The following PKP2 variants were observed in gnomAD, a reference collection of about 807,000 sequenced individuals.
PKP2 encodes the protein plakophilin 2.
In PKP2, 73 loss-of-function variants were observed where a neutral mutation model predicts 83.4. That is an observed-to-expected ratio of 0.88 (90% CI 0.72 to 1.06). The LOEUF (loss-of-function observed/expected upper bound fraction) is 1.06, where lower values mean the gene tolerates loss of function less well. Among genes scored for constraint, PKP2 ranks in the 50% least tolerant of loss-of-function variants. The pLI is 0.00. For missense variants in PKP2, 966 were observed against 1,065.4 expected (o/e 0.91, Z 1.30); for synonymous variants, 409 against 430.4 (o/e 0.95, Z 0.62).
intron 1 of PKP2, among the ~76,000 whole-genome samples, chr12:32,892,818 C>CGGGGG (rs574559982): frequency 3.0e-4 from 6 of 20,096 alleles, no homozygotes; most frequent in South Asian, 1.6e-3. Context: ...GGGGTGGGGG[C>CGGGGG]GGGGGGGGGG....
chr12:32,863,410 G>C, intron 4 of PKP2: 2 of 251,410 alleles, frequency 8.0e-6, no homozygotes, highest in South Asian at 6.2e-5. Flanking sequence ...CAGAGTCCGA[G>C]TGATGCTGTA....
intron 6 of PKP2, among the ~76,000 whole-genome samples, chr12:32,831,908 C>T (rs1956504184): frequency 6.6e-6 from 1 of 152,138 alleles, no homozygotes; most frequent in Non-Finnish European, 1.5e-5. Flanking sequence ...ACATGGGTGA[C>T]CAGGCAAGCA....
chr12:32,885,171 T>G (rs1957020704), intron 1 of PKP2, among the ~76,000 whole-genome samples: 1 of 152,182 alleles, frequency 6.6e-6, no homozygotes, highest in Non-Finnish European at 1.5e-5. Flanking sequence ...TGGATGGTGG[T>G]AGGATTCTAA....
At chr12:32,866,818 A>G (rs889558159) in intron 4 of PKP2, among the ~76,000 whole-genome samples, 2 of 152,156 alleles carry the variant, frequency 1.3e-5, no homozygotes, top group Non-Finnish European at 2.9e-5. Flanking sequence ...ACTCCTAGGT[A>G]TTTACTGAAG....
intron 1 of PKP2, chr12:32,894,878 T>C (rs1346437349): frequency 6.6e-6 from 1 of 152,108 alleles, no homozygotes; most frequent in Non-Finnish European, 1.5e-5. Flanking sequence ...TCTAAATAAA[T>C]ATAAGGTCTT....
chr12:32,799,732 A>G (rs1956162360), intron 10 of PKP2, among the ~76,000 whole-genome samples: 1 of 152,210 alleles, frequency 6.6e-6, no homozygotes, highest in African/African-American at 2.4e-5. Context: ...GAGCTAAGCT[A>G]TGAGGATGCA....
In PKP2 at chr12:32,841,120, G is replaced by A. The variant is rs145387575; in HGVS notation, c.1464C>T (p.Ile488=). ...CTTCAGGCCACCCAGAAAAGGGGATGATGATATTCTCCGTCAGCGTAAGCA... is the reference window on the plus strand; with the variant it reads ...CTTCAGGCCACCCAGAAAAGGGGATAATGATATTCTCCGTCAGCGTAAGCA... The part of the protein sequence containing the change: ...EALLTLTENI[I]IPFSGWPEGD... Residue 488 remains isoleucine (I), a synonymous_variant, in exon 6 of 13, where the codon ATC becomes ATT. Coordinates refer to ENST00000340811, the MANE Select transcript of PKP2 (RefSeq NM_001005242.3). The A allele has an allele frequency of 1.7e-4, 277 of 1,612,464 alleles. No homozygotes were observed. Among genetic ancestry groups the A allele is most frequent in the Non-Finnish European group, 2.3e-4 (274 of 1,178,600 alleles).
At chr12:32,841,680 T>G (rs1343927981) in intron 5 of PKP2, among the ~76,000 whole-genome samples, 1 of 152,200 alleles carries the variant, frequency 6.6e-6, no homozygotes, top group Non-Finnish European at 1.5e-5. Flanking sequence ...CCACTAACTG[T>G]AACTTTCACC....
intron 9 of PKP2, among the ~76,000 whole-genome samples, chr12:32,809,068 G>C (rs1337635877): frequency 1.3e-5 from 2 of 152,158 alleles, no homozygotes; most frequent in Non-Finnish European, 2.9e-5. Flanking sequence ...TGTTGGGGAG[G>C]ACCCTTCCTC....
At chr12:32,849,612 ATCTTC>A (rs1460067468) in intron 5 of PKP2, among the ~76,000 whole-genome samples, 2 of 152,148 alleles carry the variant, frequency 1.3e-5, no homozygotes, top group African/African-American at 4.8e-5. Context: ...TCAACAAATC[ATCTTC>A]TCTTTTATCA....
Position 32,821,366 on chromosome 12 carries a change from C to T in PKP2, c.2003G>A (p.Gly668Glu), listed in dbSNP as rs1348373466. The change falls in exon 9 of 13, where the codon GGA becomes GAA. Residue 668 changes from glycine (G) to glutamate (E), a missense_variant. Physicochemically the swap from Gly to Glu is moderately conservative, Grantham distance 98 (BLOSUM62 -2). Transcript: ENST00000340811. ...AGGCCCAATACTCACTGGTCCACTTCCGGCCGTGAGGTTCTGCAGAGCTCC... is the reference window on the plus strand; with the variant it reads ...AGGCCCAATACTCACTGGTCCACTTTCGGCCGTGAGGTTCTGCAGAGCTCC... ...SLGALQNLTA[G>E]SGPMPTSVAQ... The T allele has an allele frequency of 6.2e-7, 1 of 1,614,086 alleles. No homozygotes were observed.
At chr12:32,841,431 C>T (rs915712255) in intron 5 of PKP2, among the ~76,000 whole-genome samples, 3 of 152,172 alleles carry the variant, frequency 2.0e-5, no homozygotes, top group African/African-American at 7.2e-5. Context: ...AGGCTACAAA[C>T]TGTGCAGGTT....
chr12:32,834,976 C>CGTGTGT (rs10629969), intron 6 of PKP2, among the ~76,000 whole-genome samples: 15,491 of 119,228 alleles, frequency 0.13, 1,185 homozygotes, highest in Non-Finnish European at 0.15. Flanking sequence ...TCACAATAGG[C>CGTGTGT]GTGTGTGTGT....
Position 32,858,901 on chromosome 12 carries a change from G to A in PKP2, c.1171-7928C>T, listed in dbSNP as rs369160523. On this transcript the variant is annotated intron_variant, in intron 4 of 12. Coordinates refer to ENST00000340811, the MANE Select transcript of PKP2 (RefSeq NM_001005242.3). ...AATTCAAGTGAAAAAAAAATCAGCA[G>A]AAGCTCTGTTGTGTGATCCTTACTT... is the stretch of plus-strand genomic sequence containing the variant. Among the ~76,000 whole-genome samples the A allele has an allele frequency of 1.6e-4, 25 of 152,246 alleles. 1 individual carries two copies. In the South Asian group the frequency reaches 5.0e-3, roughly 30 times the overall value.
intron 7 of PKP2, 52 bp downstream of exon 7, chr12:32,823,993 T>C: frequency 1.8e-6 from 2 of 1,094,180 alleles, no homozygotes; most frequent in Admixed American, 1.7e-5. Context: ...ATCTTAAGAA[T>C]ATTCTGAAGC....
At chr12:32,858,147 TATATAA>T (rs1956771681) in intron 4 of PKP2, among the ~76,000 whole-genome samples, 10 of 106,652 alleles carry the variant, frequency 9.4e-5, no homozygotes, top group Non-Finnish European at 1.4e-4. Flanking sequence ...TATATATATA[TATATAA>T]ATATATATAA....
At chr12:32,888,106 C>T (rs572408279) in intron 1 of PKP2, among the ~76,000 whole-genome samples, 6 of 152,142 alleles carry the variant, frequency 3.9e-5, no homozygotes, top group Admixed American at 1.3e-4. Context: ...GGCTTGAGCC[C>T]GGGGGGCAGA....
intron 4 of PKP2, among the ~76,000 whole-genome samples, chr12:32,859,573 C>G (rs1956781934): frequency 6.6e-6 from 1 of 152,104 alleles, no homozygotes; most frequent in Non-Finnish European, 1.5e-5. Flanking sequence ...CCTCCTGCTT[C>G]TGCCTTCTGA....
At chr12:32,811,316 T>A (rs1389270356) in intron 9 of PKP2, among the ~76,000 whole-genome samples, 1 of 152,228 alleles carries the variant, frequency 6.6e-6, no homozygotes, top group Non-Finnish European at 1.5e-5. Context: ...TGCTGTCTCA[T>A]CAGCTGTAGT....
Sources: gnomAD v4.1 joint callset for allele counts (sites outside exome capture counted in the v4.1 genomes callset) on GRCh38, gnomAD v4.1.1 for gene constraint, MANE v1.5 for transcripts, NCBI Gene and HGNC (gene_info 2026-07-23, HGNC 2026-07-21) for gene names.